The following SLC25A26 variants were observed in gnomAD, a reference collection of about 807,000 sequenced individuals.
SLC25A26 encodes mitochondrial S-adenosylmethionine carrier protein.
Under a neutral mutation model 37.8 loss-of-function variants are expected in SLC25A26, and 36 were observed. The observed-to-expected ratio is 0.95, with a 90% CI of 0.73 to 1.26. SLC25A26 has a LOEUF of 1.26. Among genes scored for constraint, SLC25A26 ranks in the 50% most tolerant of loss-of-function variants. SLC25A26 has a pLI of 0.00. For missense variants in SLC25A26, 390 were observed against 331.1 expected (o/e 1.18, Z -1.38); for synonymous variants, 129 against 122.5 (o/e 1.05, Z -0.35).
chr3:66,348,485 T>C (rs2076377788), intron 6 of SLC25A26, among the ~76,000 whole-genome samples: 1 of 152,160 alleles, frequency 6.6e-6, no homozygotes, highest in Admixed American at 6.5e-5. Context: ...ATGACCAGGC[T>C]ATAAAATAAT....
At chr3:66,342,579 C>T (rs2076233187) in intron 5 of SLC25A26, among the ~76,000 whole-genome samples, 1 of 151,434 alleles carries the variant, frequency 6.6e-6, no homozygotes, top group African/African-American at 2.4e-5. Context: ...GGGATAGAAG[C>T]ATTGATTGGC....
intron 5 of SLC25A26, among the ~76,000 whole-genome samples, chr3:66,293,994 A>G (rs542067990): frequency 6.6e-6 from 1 of 151,416 alleles, no homozygotes; most frequent in Non-Finnish European, 1.5e-5. Flanking sequence ...TACCTTGGCT[A>G]CCTGGGCTCT....
chr3:66,370,069 A>C (rs756114137), intron 8 of SLC25A26, among the ~76,000 whole-genome samples: 17 of 152,386 alleles, frequency 1.1e-4, no homozygotes, highest in Non-Finnish European at 2.4e-4. Context: ...AAGTAGAACA[A>C]ATAATGGGCC....
intron 6 of SLC25A26, 43 bp from the exon 7 acceptor site, chr3:66,362,817 C>T (rs2076741015): frequency 1.4e-6 from 2 of 1,428,204 alleles, no homozygotes; most frequent in Non-Finnish European, 9.5e-7. Context: ...CCGATAAATT[C>T]AAATATTTAA....
chr3:66,313,924 C>T (rs28781347), intron 5 of SLC25A26, among the ~76,000 whole-genome samples: 139 of 152,192 alleles, frequency 9.1e-4, no homozygotes, highest in African/African-American at 3.1e-3. Flanking sequence ...CTCTGCTTGC[C>T]TGTAGTTCGT....
chr3:66,270,939 T>G (rs1203548120), intron 5 of SLC25A26, among the ~76,000 whole-genome samples: 1 of 152,216 alleles, frequency 6.6e-6, no homozygotes, highest in Non-Finnish European at 1.5e-5. Flanking sequence ...TGAAGTGACT[T>G]GAAAATGCTA....
chr3:66,175,511 C>G (rs1427331770), intron 1 of SLC25A26, among the ~76,000 whole-genome samples: 1 of 152,142 alleles, frequency 6.6e-6, no homozygotes, highest in Non-Finnish European at 1.5e-5. Flanking sequence ...AGGCATGAGC[C>G]ACCACACCCA....
At chr3:66,255,811 G>A (rs1019737860) in intron 3 of SLC25A26, among the ~76,000 whole-genome samples, 6 of 152,172 alleles carry the variant, frequency 3.9e-5, no homozygotes, top group South Asian at 2.1e-4. Flanking sequence ...GGAAGGCTCC[G>A]GAGGTACTGG....
intron 5 of SLC25A26, among the ~76,000 whole-genome samples, chr3:66,279,201 A>G (rs565223746): frequency 6.6e-6 from 1 of 152,176 alleles, no homozygotes; most frequent in Non-Finnish European, 1.5e-5. Context: ...CTTTGAAAAC[A>G]TACTGTCTTT....
intron 7 of SLC25A26, among the ~76,000 whole-genome samples, chr3:66,368,357 T>C (rs926193201): frequency 3.3e-5 from 5 of 152,180 alleles, no homozygotes; most frequent in Non-Finnish European, 7.3e-5. Flanking sequence ...TTAAATGTAA[T>C]ATTGACACCA....
chr3:66,270,395 C>G (rs1198513615), intron 5 of SLC25A26, among the ~76,000 whole-genome samples: 4 of 152,014 alleles, frequency 2.6e-5, no homozygotes, highest in African/African-American at 9.7e-5. Context: ...TATTTTAATC[C>G]TACATAATTC....
intron 5 of SLC25A26, among the ~76,000 whole-genome samples, chr3:66,344,961 T>C (rs1184504418): frequency 6.6e-6 from 1 of 152,138 alleles, no homozygotes; most frequent in African/African-American, 2.4e-5. Context: ...TCATCAACTA[T>C]AAAATGAAGG....
intron 5 of SLC25A26, among the ~76,000 whole-genome samples, chr3:66,265,005 G>T (rs774463435): frequency 6.6e-6 from 1 of 152,188 alleles, no homozygotes; most frequent in Non-Finnish European, 1.5e-5. Flanking sequence ...AGTAGTTTCA[G>T]TATATTACTG....
intron 7 of SLC25A26, among the ~76,000 whole-genome samples, chr3:66,364,112 A>T (rs527320343): frequency 1.3e-5 from 2 of 152,312 alleles, no homozygotes; most frequent in Admixed American, 1.3e-4. Context: ...CTACTTTTTA[A>T]AGTTAGCAAT....
chr3:66,245,492 A>C (rs2072790403), intron 3 of SLC25A26, among the ~76,000 whole-genome samples: 1 of 152,184 alleles, frequency 6.6e-6, no homozygotes, highest in Non-Finnish European at 1.5e-5. Context: ...CAACACAGTG[A>C]AGATAAAGGT....
At chr3:66,309,715 A>C (rs1250331058) in intron 5 of SLC25A26, among the ~76,000 whole-genome samples, 1 of 152,056 alleles carries the variant, frequency 6.6e-6, no homozygotes. Flanking sequence ...CTTTGTTCTC[A>C]TTGGTTTCGA....
intron 1 of SLC25A26, among the ~76,000 whole-genome samples, chr3:66,177,037 T>C (rs1242688978): frequency 6.6e-6 from 1 of 152,140 alleles, no homozygotes; most frequent in Non-Finnish European, 1.5e-5. Context: ...GTAAACAAAA[T>C]CACACTTAGG....
intron 6 of SLC25A26, among the ~76,000 whole-genome samples, chr3:66,347,949 C>A (rs1365092200): frequency 6.6e-6 from 1 of 152,114 alleles, no homozygotes; most frequent in Non-Finnish European, 1.5e-5. Context: ...CACAGAAGAA[C>A]AACACACAAT....
At chr3:66,312,178 G>C (rs551893418) in intron 5 of SLC25A26, among the ~76,000 whole-genome samples, 6 of 152,200 alleles carry the variant, frequency 3.9e-5, no homozygotes, top group Non-Finnish European at 8.8e-5. Context: ...CTTTCTGTCA[G>C]AGATGCCCTG....
Sources: allele counts gnomAD v4.1 joint callset (sites outside exome capture counted in the v4.1 genomes callset), GRCh38; gene constraint gnomAD v4.1.1; transcripts MANE v1.5; gene names NCBI Gene and HGNC (gene_info 2026-07-23, HGNC 2026-07-21).